Variants in PERM1 observed in about 807,000 individuals in gnomAD.
The protein encoded by PERM1 is PGC-1 and ERR-induced regulator in muscle protein 1.
A neutral mutation model predicts 44.1 loss-of-function variants in PERM1; 45 were observed. The ratio of observed to expected loss-of-function variants is 1.02; its 90% CI spans 0.80 to 1.31. PERM1 has a LOEUF of 1.31. Ranked by LOEUF, PERM1 falls within the 50% of genes most tolerant of loss-of-function variation. PERM1 has a pLI of 0.00. For synonymous variants in PERM1, 565 were observed against 477.1 expected (o/e 1.18, Z -2.40); for missense variants, 1,189 against 1,106.9 (o/e 1.07, Z -1.05).
At chr1:979,832 C>G (rs1349111389) in exon 1 of PERM1, 1 of 1,549,680 alleles carries the variant, frequency 6.5e-7, no homozygotes, top group Non-Finnish European at 8.7e-7. Flanking sequence ...GTGGACACAG[C>G]CACGTCCGTG....
chr1:979,460 G>A (rs1013290404), exon 1 of PERM1: 16 of 1,546,928 alleles, frequency 1.0e-5, no homozygotes, highest in African/African-American at 6.8e-5. Flanking sequence ...GCTGAGGGCC[G>A]GGCTGAGGCC....
upstream of PERM1, chr1:981,211 C>T (rs752637341): frequency 3.0e-5 from 46 of 1,533,016 alleles, no homozygotes; most frequent in Admixed American, 1.1e-4. Context: ...GGGAGGGCCG[C>T]GCTTCCTTCA....
At chr1:981,977 C>T (rs1013990337), upstream of PERM1, 130 of 1,149,440 alleles carry the variant, frequency 1.1e-4, no homozygotes, top group African/African-American at 1.7e-3. Context: ...GACCTTCGCC[C>T]TCCTCTCTGG....
At chr1:976,218 T>A in exon 3 of PERM1, 1 of 1,538,756 alleles carries the variant, frequency 6.5e-7, no homozygotes, top group Non-Finnish European at 8.8e-7. Context: ...TTGCCCCACC[T>A]GCCGGCGGAA....
chr1:978,849 C>G, intron 1 of PERM1, 32 bp downstream of exon 2: 1 of 1,444,816 alleles, frequency 6.9e-7, no homozygotes, highest in South Asian at 1.5e-5. Flanking sequence ...TGCCTGGGAT[C>G]TGGACGGGCT....
upstream of PERM1, chr1:982,025 G>A (rs1293708758): frequency 4.7e-6 from 6 of 1,286,084 alleles, no homozygotes; most frequent in African/African-American, 1.5e-5. Context: ...TTACCATTGG[G>A]GCCCCTTGGG....
intron 2 of PERM1, 103 bp from the exon 4 acceptor site, chr1:976,372 G>A: frequency 6.7e-7 from 1 of 1,492,338 alleles, no homozygotes; most frequent in Non-Finnish European, 8.9e-7. Flanking sequence ...GTGCGGCCAG[G>A]GCCGCAGCTC....
At position 976,281 on chromosome 1, in the gene PERM1, G is replaced by T; in HGVS notation, c.2276-12C>A. ...GTTGGCCAGCAAGGCTGCAAGAGAA[G>T]CACAGGCTCTTCTGAGGGCCAGCCT... On this transcript the variant is annotated splice_polypyrimidine_tract_variant and intron_variant, in intron 2 of 2. Transcript: ENST00000433179. 2 of 1,499,964 alleles carry T rather than the reference G, an allele frequency of 1.3e-6. No homozygotes were observed. The highest frequency in any genetic ancestry group is 8.9e-7 in the Non-Finnish European group (1 of 1,123,700). The allele number at this position is 1,499,964 out of a possible 1,614,324, so 92.9% of individuals were successfully genotyped here.
At chr1:979,672 T>G (rs1233980609) in exon 1 of PERM1, 1 of 1,550,246 alleles carries the variant, frequency 6.5e-7, no homozygotes, top group East Asian at 2.4e-5. Context: ...GCCAGCGGCG[T>G]CGGCTCTGGG....
chr1:979,916 C>T lies in PERM1; in HGVS notation c.1114G>A (p.Ala372Thr), dbSNP rs1005994751. The T allele has an allele frequency of 4.5e-6, 7 of 1,550,036 alleles. No individual in the cohort carries two copies. The African/African-American group carries it at 6.9e-5, about 15-fold the overall frequency. ...GGCTCAGAAGCTGGTGTAGACACAG[C>T]CGTGTCAGATTGCGGCTTGGAGGCA... The change falls in exon 1 of 3, where the codon GCT (alanine) becomes ACT (threonine). Residue 372 changes from alanine to threonine, a missense_variant. Ala to Thr is a moderately conservative substitution (Grantham distance 58, BLOSUM62 0). Around this residue, in one of 3 missense-constraint regions of PERM1, gnomAD observed 900 missense variants for 760.4 expected, o/e 1.18. Coordinates refer to ENST00000433179, the Ensembl canonical transcript of PERM1.
exon 1 of PERM1, chr1:980,425 G>A (rs1331662254): frequency 1.9e-6 from 3 of 1,548,528 alleles, no homozygotes; most frequent in East Asian, 2.4e-5. Context: ...GCCCGTCTGG[G>A]CAGAAGCAGA....
chr1:975,995 C>T, exon 3 of PERM1: 1 of 636,048 alleles, frequency 1.6e-6, no homozygotes, highest in Non-Finnish European at 2.6e-6. Flanking sequence ...GGGGAGTGGC[C>T]GTGGTCACTG....
At chr1:980,473 C>T (rs1474305378) in exon 1 of PERM1, 17 of 1,523,012 alleles carry the variant, frequency 1.1e-5, no homozygotes, top group South Asian at 8.8e-5. Flanking sequence ...ACCCACAGCT[C>T]GCCTCTTCTT....
chr1:980,723 G>C, exon 1 of PERM1: 3 of 1,418,474 alleles, frequency 2.1e-6, no homozygotes, highest in Non-Finnish European at 2.7e-6. Flanking sequence ...GACGTGCTGG[G>C]TGTCTGCTGA....
intron 2 of PERM1, 70 bp from the exon 4 acceptor site, chr1:976,339 C>A (rs1643605639): frequency 6.8e-7 from 1 of 1,470,982 alleles, no homozygotes; most frequent in Non-Finnish European, 9.0e-7. Context: ...CAAGACCCAG[C>A]CCTCAAAGGG....
chr1:976,352 G>A, intron 2 of PERM1, 83 bp from the exon 4 acceptor site: 3 of 1,477,104 alleles, frequency 2.0e-6, no homozygotes, highest in Non-Finnish European at 2.7e-6. Flanking sequence ...TCAAAGGGCG[G>A]GCAAGGTCGG....
At chr1:976,194 T>TGGCTGC (rs1557656358) in exon 3 of PERM1, 15 of 1,545,010 alleles carry the variant, frequency 9.7e-6, no homozygotes, top group East Asian at 4.9e-5. Flanking sequence ...GCTGGGGCTG[T>TGGCTGC]GGCTGCGGCG....
intron 1 of PERM1, 139 bp downstream of exon 2, chr1:978,742 G>T: frequency 1.3e-6 from 1 of 760,530 alleles, no homozygotes. Flanking sequence ...GGGATGACTG[G>T]GGGCTGGTCC....
At position 980,759 on chromosome 1, in the gene PERM1, C is replaced by A. The variant is rs1464306372; in HGVS notation, c.271G>T (p.Glu91Ter). ...CCGGTCCCCAGGGCCAAGACAGGCTCACCCTGAGACCTGCTGACCGGCTGC... is the reference window on the plus strand; with the variant it reads ...CCGGTCCCCAGGGCCAAGACAGGCTAACCCTGAGACCTGCTGACCGGCTGC... The change falls in exon 1 of 3, where the codon GAG becomes TAG. Residue 91 changes from glutamate (E) to a stop codon, truncating the protein, a stop_gained. Transcript: ENST00000433179. LOFTEE classifies it high-confidence loss of function. 1.4e-6 allele frequency: 2 copies of A among 1,406,322 alleles called. No individual in the cohort carries two copies. The highest frequency in any genetic ancestry group is 5.3e-5 in the East Asian group (2 of 37,802). The allele number at this position is 1,406,322 out of a possible 1,614,324, so 87.1% of individuals were successfully genotyped here. A position where few individuals can be genotyped will look rare whatever the true frequency, so the allele number is the denominator to read the frequency against.
Sources: gnomAD v4.1 joint callset for allele counts on GRCh38, gnomAD v4.1.1 for gene constraint, gnomAD v4.1.1 regional missense constraint, MANE v1.5 for transcripts, NCBI Gene and HGNC (gene_info 2026-07-23, HGNC 2026-07-21) for gene names.